TMEM8B: variants seen among roughly 807,000 people sequenced by gnomAD.
TMEM8B encodes the protein nasopharyngeal carcinoma expressed 6.
Under a neutral mutation model 49.3 loss-of-function variants are expected in TMEM8B, and 29 were observed. The ratio of observed to expected loss-of-function variants is 0.59; its 90% confidence interval spans 0.44 to 0.80. TMEM8B has a LOEUF of 0.80. Among genes scored for constraint, TMEM8B ranks in the 30% least tolerant of loss-of-function variants. TMEM8B has a pLI of 0.00. For synonymous variants in TMEM8B, 264 were observed against 272.8 expected, an observed-to-expected ratio of 0.97 and a Z score of 0.32; for missense variants, 575 against 658.5, an observed-to-expected ratio of 0.87 and a Z score of 1.39.
At chr9:35,839,323 C>T (rs1345556112) in intron 3 of TMEM8B, among the ~76,000 whole-genome samples, 1 of 152,210 alleles carries the variant, frequency 6.6e-6, no homozygotes, top group Non-Finnish European at 1.5e-5. Context: ...CCTGGGCCTC[C>T]CCGACTGCTG....
chr9:35,842,573 G>A lies in TMEM8B; in HGVS notation c.1491G>A (p.Glu497=), dbSNP rs775256415. 7 of 1,614,096 alleles carry A rather than the reference G, an allele frequency of 4.3e-6. No individual in the cohort carries two copies. In the East Asian group the frequency reaches 1.3e-4, roughly 31 times the overall value. The change falls in exon 6 of 13, where the codon GAG becomes GAA. Residue 497 remains glutamate (E), a synonymous_variant. Transcript: ENST00000643932. This position sits in a 1 kb window ranked among gnomAD's most constrained non-coding sequence, Gnocchi z 5.6. ...CAGTGCGCCCGACTCTGCGCAACGA[G>A]CTGGACACCTTCTCTGTCCACTTCT... The part of the protein sequence containing the change: ...CWPVRPTLRN[E]LDTFSVHFYI...
intron 1 of TMEM8B, among the ~76,000 whole-genome samples, chr9:35,832,361 A>C (rs1312217184): frequency 1.3e-5 from 2 of 151,996 alleles, no homozygotes; most frequent in African/African-American, 4.8e-5. Context: ...CGCAAACCAA[A>C]GTTTGGAGTG....
chr9:35,847,133 G>A, intron 10 of TMEM8B, 138 bp downstream of exon 10: 2 of 1,614,152 alleles, frequency 1.2e-6, no homozygotes, highest in Non-Finnish European at 8.5e-7. Flanking sequence ...AGACAGCAGT[G>A]CTTCCCAAAC....
rs1832524134 is a variant in TMEM8B at position 35,855,923 on chromosome 9, GA to G, written c.*2086del. Reference sequence around the variant, plus strand: ...TTTAGAAAATACTGTTCCTACATCAGAAATACCACATTAAGACGTATAGAGC... The same window carrying G: ...TTTAGAAAATACTGTTCCTACATCAGAATACCACATTAAGACGTATAGAGC... On this transcript the variant is annotated 3_prime_UTR_variant, in exon 13 of 13. Coordinates refer to ENST00000643932, the MANE Select transcript of TMEM8B (RefSeq NM_001042590.4). 1 of 152,176 alleles carries G rather than the reference GA, an allele frequency of 6.6e-6. No homozygotes were observed. The highest frequency in any genetic ancestry group is 1.5e-5 in the Non-Finnish European group (1 of 68,028). The allele number at this position is 152,176 out of a possible 1,614,324, so 9.4% of individuals were successfully genotyped here.
rs923460328 is a variant in TMEM8B, at chr9:35,865,400, C to G, written c.*11560C>G. On this transcript the variant is annotated 3_prime_UTR_variant, in exon 13 of 13. Coordinates refer to ENST00000643932, the MANE Select transcript of TMEM8B (RefSeq NM_001042590.4). The stretch of plus-strand genomic sequence containing the variant: ...TTTTACAGATTTCTTTATTCCTGTT[C>G]CCTCCCCTCCCCTTCCTGTCCTTTC... The G allele has an allele frequency of 6.6e-6, 1 of 151,976 alleles. No individual in the cohort carries two copies. Among genetic ancestry groups the G allele is most frequent in the Non-Finnish European group, 1.5e-5 (1 of 67,996 alleles). The allele number at this position is 151,976 out of a possible 1,614,324, so 9.4% of individuals were successfully genotyped here. A position where few individuals can be genotyped will look rare whatever the true frequency, so the allele number is the denominator to read the frequency against.
chr9:35,836,069 A>G (rs1002498225), intron 3 of TMEM8B, among the ~76,000 whole-genome samples: 1 of 152,182 alleles, frequency 6.6e-6, no homozygotes, highest in Non-Finnish European at 1.5e-5. Context: ...CAGAGTGAGG[A>G]TTTAAAGAAG....
rs917595034 is a variant in TMEM8B at position 35,846,489 on chromosome 9, C to T, written c.1874C>T (p.Ala625Val). ...VGPRFVRCRN[A>V]TAEVRMRTFL... is the part of the protein sequence containing the mutation. The stretch of plus-strand genomic sequence containing the variant: ...CGCAGGTTCGTGCGGTGCCGCAACG[C>T]GACGGCCGAGGTGCGGATGCGCACC... The change falls in exon 9 of 13, where the codon GCG (alanine) becomes GTG (valine). Residue 625 changes from alanine (A) to valine (V), a missense_variant. Ala to Val is a moderately conservative substitution (Grantham distance 64, BLOSUM62 0). Coordinates refer to ENST00000643932, the MANE Select transcript of TMEM8B (RefSeq NM_001042590.4). The T allele has an allele frequency of 5.6e-6, 9 of 1,598,762 alleles. No individual in the cohort carries two copies. Among genetic ancestry groups the T allele is most frequent in the Admixed American group, 3.5e-5 (2 of 57,784 alleles).
intron 1 of TMEM8B, among the ~76,000 whole-genome samples, chr9:35,832,192 T>C (rs1829980504): frequency 6.6e-6 from 1 of 151,632 alleles, no homozygotes; most frequent in African/African-American, 2.4e-5. Flanking sequence ...TGTGTGTGTG[T>C]GTGTGTGTAT....
rs1355566001 is a variant in TMEM8B, at chr9:35,846,518, C to T, written c.1903C>T (p.Leu635=). 2 of 1,591,992 alleles carry T rather than the reference C, an allele frequency of 1.3e-6. No individual in the cohort carries two copies. Among genetic ancestry groups the T allele is most frequent in the African/African-American group, 2.7e-5 (2 of 74,512 alleles). Residue 635 remains leucine (L), a synonymous_variant, in exon 9 of 13, where the codon CTG becomes TTG. Transcript: ENST00000643932. ...ATAEVRMRTF[L]SPCVDDCGPY... is the part of the protein sequence containing the mutation. ...GGCCGAGGTGCGGATGCGCACCTTC[C>T]TGTCCCCATGCGTGGACGACTGCGG...
rs1832537149 is a variant in TMEM8B at position 35,856,125 on chromosome 9, G to A, written c.*2285G>A. 1 of 152,220 alleles carries A rather than the reference G, an allele frequency of 6.6e-6. No homozygotes were observed. The highest frequency in any genetic ancestry group is 2.4e-5 in the African/African-American group (1 of 41,444). The allele number at this position is 152,220 out of a possible 1,614,324, so 9.4% of individuals were successfully genotyped here. A position where few individuals can be genotyped will look rare whatever the true frequency, so the allele number is the denominator to read the frequency against. ...CTAGGATTAGCTGAGTTGCCATGAT[G>A]CTAAGATAATGGGAGAGTGTTCTTT... On this transcript the variant is annotated 3_prime_UTR_variant, in exon 13 of 13. Transcript: ENST00000643932.
In TMEM8B at chr9:35,846,354, T is replaced by C; in HGVS notation, c.1826T>C (p.Leu609Pro). The C allele has an allele frequency of 1.9e-6, 3 of 1,613,884 alleles. No homozygotes were observed. Among genetic ancestry groups the C allele is most frequent in the Non-Finnish European group, 2.5e-6 (3 of 1,179,992 alleles). Residue 609 changes from leucine to proline, a missense_variant, in exon 8 of 13, where the codon CTC becomes CCC. By Grantham distance (98) the Leu-to-Pro change is moderately conservative. Coordinates refer to ENST00000643932, the MANE Select transcript of TMEM8B (RefSeq NM_001042590.4). ...FPQTGTWFLA[L>P]RSLCGVGPRF... is the part of the protein sequence containing the mutation. ...CAGACGGGGACCTGGTTCCTGGCCCTCCGCTCCCTGTGCGGGGTGGGGCCT... is the reference window on the plus strand; with the variant it reads ...CAGACGGGGACCTGGTTCCTGGCCCCCCGCTCCCTGTGCGGGGTGGGGCCT...
At position 35,853,557 on chromosome 9, in the gene TMEM8B, G is replaced by A. The variant is rs1357996177; in HGVS notation, c.2492G>A (p.Trp831Ter). 6.2e-7 allele frequency: 1 copy of A among 1,614,198 alleles called. No homozygotes were observed. Among genetic ancestry groups the A allele is most frequent in the Non-Finnish European group, 8.5e-7 (1 of 1,180,046 alleles). The change falls in exon 13 of 13, where the codon TGG (tryptophan) becomes TAG (stop). Residue 831 changes from tryptophan (W) to a stop codon, truncating the protein, a stop_gained. Transcript: ENST00000643932. LOFTEE classifies it high-confidence loss of function. This position sits in a 1 kb window ranked among gnomAD's most constrained non-coding sequence, Gnocchi z 4.2. ...RHCYPPTWRR[W>*]LFYLCPGSLI... is the part of the protein sequence containing the mutation. ...TGCTACCCACCCACGTGGCGCCGCTGGCTTTTCTACTTGTGCCCTGGCAGC... is the reference window on the plus strand; with the variant it reads ...TGCTACCCACCCACGTGGCGCCGCTAGCTTTTCTACTTGTGCCCTGGCAGC...
intron 6 of TMEM8B, among the ~76,000 whole-genome samples, chr9:35,844,067 A>G (rs1291092674): frequency 6.6e-6 from 1 of 152,180 alleles, no homozygotes; most frequent in Non-Finnish European, 1.5e-5. Context: ...CCTGGCCCAC[A>G]GCTGTTTTTG....
rs201597065 is a variant in TMEM8B, at chr9:35,853,769, A to G, written c.2704A>G (p.Ile902Val). 2.4e-3 allele frequency: 3,868 copies of G among 1,602,414 alleles called. 106 individuals carry two copies. In the South Asian group the frequency reaches 0.04, roughly 17 times the overall value. ...CCGGGGCTGTGGTTACCAGCTATGCATCAACGAGCAGGAGGAGCTGGGCCT... is the reference window on the plus strand; with the variant it reads ...CCGGGGCTGTGGTTACCAGCTATGCGTCAACGAGCAGGAGGAGCTGGGCCT... ...RARGCGYQLC[I>V]NEQEELGLVG... is the part of the protein sequence containing the mutation. The change falls in exon 13 of 13, where the codon ATC (isoleucine) becomes GTC (valine). Residue 902 changes from isoleucine (I) to valine (V), a missense_variant. Transcript: ENST00000643932. This position sits in a 1 kb window ranked among gnomAD's most constrained non-coding sequence, Gnocchi z 4.2.
chr9:35,847,881 CA>C (rs1831761473), intron 10 of TMEM8B, among the ~76,000 whole-genome samples: 1 of 152,166 alleles, frequency 6.6e-6, no homozygotes, highest in South Asian at 2.1e-4. Flanking sequence ...ACTTAACCCC[CA>C]AGTAGACTTT....
At position 35,846,842 on chromosome 9, in the gene TMEM8B, C is replaced by T. The variant is rs201796472; in HGVS notation, c.2022C>T (p.Asp674=). The part of the protein sequence containing the change: ...KAGWRGWGCT[D]SADALTYGFQ... ...GGTGGAGAGGCTGGGGCTGCACCGA[C>T]AGTGCAGATGCGCTCACCTATGGAT... Residue 674 remains aspartate (D), a synonymous_variant, in exon 10 of 13, where the codon GAC becomes GAT. Transcript: ENST00000643932. The T allele has an allele frequency of 8.1e-6, 13 of 1,614,008 alleles. No individual in the cohort carries two copies. The highest frequency in any genetic ancestry group is 6.7e-5 in the Admixed American group (4 of 60,022).
rs1046420455 is a variant in TMEM8B, at chr9:35,841,151, T to C, written c.924T>C (p.Cys308=). Residue 308 remains cysteine (C), a synonymous_variant, in exon 4 of 13, where the codon TGT becomes TGC. Transcript: ENST00000643932. The surrounding 1 kb of genome is among the most constrained non-coding windows in gnomAD (Gnocchi z 5.9). ...HISVKGLQDE[C]QYLLQPQLIV... is the part of the protein sequence containing the mutation. ...TGTCCCAGGGTCTCCAGGATGAGTGTCAGTACCTCCTTCAGCCGCAGCTGA... is the reference window on the plus strand; with the variant it reads ...TGTCCCAGGGTCTCCAGGATGAGTGCCAGTACCTCCTTCAGCCGCAGCTGA... 4.8e-6 allele frequency: 2 copies of C among 415,718 alleles called. No homozygotes were observed. The highest frequency in any genetic ancestry group is 2.1e-5 in the African/African-American group (1 of 48,640). 25.8% of individuals were successfully genotyped at this position (415,718 alleles called of 1,614,324 possible). A position where few individuals can be genotyped will look rare whatever the true frequency, so the allele number is the denominator to read the frequency against.
intron 3 of TMEM8B, among the ~76,000 whole-genome samples, chr9:35,838,185 A>C (rs1830623666): frequency 6.6e-6 from 1 of 152,148 alleles, no homozygotes; most frequent in Admixed American, 6.5e-5. Context: ...TAGGCAATCC[A>C]TGCACCTGGT....
chr9:35,846,416 G>C (rs763817031), intron 8 of TMEM8B, 35 bp downstream of exon 8: 10 of 1,601,130 alleles, frequency 6.2e-6, no homozygotes, highest in African/African-American at 4.0e-5. Context: ...GGCTGGGACC[G>C]GGACTTGGCG....
Sources: gnomAD v4.1 joint callset for allele counts (sites outside exome capture counted in the v4.1 genomes callset) on GRCh38, gnomAD v4.1.1 for gene constraint, Gnocchi (gnomAD v3.1) non-coding constraint, MANE v1.5 for transcripts, NCBI Gene and HGNC (gene_info 2026-07-23, HGNC 2026-07-21) for gene names.